Variants in NELL1 observed in about 807,000 individuals in gnomAD.
NELL1 encodes protein kinase C-binding protein NELL1.
NELL1 carries 76 observed loss-of-function variants against 107.4 expected under a neutral mutation model. The ratio of observed to expected loss-of-function variants is 0.71; its 90% CI spans 0.59 to 0.86. NELL1 has a LOEUF of 0.86. Among genes scored for constraint, NELL1 ranks in the 40% least tolerant of loss-of-function variants. The probability of loss-of-function intolerance (pLI) is 0.00; values close to 1 mark genes in which losing one functional copy is unlikely to be tolerated. For synonymous variants in NELL1, 353 were observed against 341.2 expected (o/e 1.03, Z -0.38); for missense variants, 1,024 against 1,005.5 (o/e 1.02, Z -0.25).
intron 2 of NELL1, among the ~76,000 whole-genome samples, chr11:20,767,058 G>A (rs1416395072): frequency 6.6e-6 from 1 of 152,084 alleles, no homozygotes; most frequent in Admixed American, 6.6e-5. Context: ...TTGACATATT[G>A]ATCAATCACG....
intron 12 of NELL1, among the ~76,000 whole-genome samples, chr11:21,108,312 T>A (rs1855019134): frequency 6.6e-6 from 1 of 152,202 alleles, no homozygotes; most frequent in Admixed American, 6.5e-5. Context: ...TCTGTGTTTG[T>A]TCTGAACTCT....
Position 21,160,601 on chromosome 11 carries a change from T to A in NELL1, c.1426+46887T>A, listed in dbSNP as rs181806455. 3.3e-5 allele frequency among the ~76,000 whole-genome samples: 5 copies of A among 152,286 alleles called. No homozygotes were observed. The East Asian group carries it at 9.7e-4, about 29-fold the overall frequency. Reference sequence around the variant, plus strand: ...CAACTGGCGCTTATATCTGCATGTGTGTAATCATAACATTTGAAATTTCCT... The same window carrying A: ...CAACTGGCGCTTATATCTGCATGTGAGTAATCATAACATTTGAAATTTCCT... On this transcript the variant is annotated intron_variant, in intron 13 of 19. Coordinates refer to ENST00000357134, the MANE Select transcript of NELL1 (RefSeq NM_006157.5).
intron 15 of NELL1, among the ~76,000 whole-genome samples, chr11:21,486,605 A>G (rs1854639017): frequency 6.6e-6 from 1 of 152,178 alleles, no homozygotes; most frequent in South Asian, 2.1e-4. Flanking sequence ...AGACACAGTA[A>G]TTCTCTGGCA....
At chr11:21,380,029 G>A (rs1387462725) in intron 15 of NELL1, among the ~76,000 whole-genome samples, 1 of 152,062 alleles carries the variant, frequency 6.6e-6, no homozygotes, top group Non-Finnish European at 1.5e-5. Context: ...ACAGGACTGT[G>A]GCAAGGGCAT....
intron 14 of NELL1, among the ~76,000 whole-genome samples, chr11:21,295,781 C>T (rs1849363087): frequency 6.6e-6 from 1 of 151,848 alleles, no homozygotes; most frequent in East Asian, 1.9e-4. Context: ...TTTGCTTACA[C>T]TGATATGGGA....
At chr11:20,774,054 C>T (rs1856695487) in intron 2 of NELL1, among the ~76,000 whole-genome samples, 1 of 96,678 alleles carries the variant, frequency 1.0e-5, no homozygotes, top group Non-Finnish European at 2.1e-5. Context: ...GTCCCCTCCC[C>T]TCCCCTCCTG....
At chr11:21,156,675 T>A (rs538249581) in intron 13 of NELL1, among the ~76,000 whole-genome samples, 1 of 152,206 alleles carries the variant, frequency 6.6e-6, no homozygotes, top group South Asian at 2.1e-4. Context: ...AGGTGAAGAT[T>A]GTTATTTTTG....
At chr11:21,199,724 T>C (rs1857225627) in intron 13 of NELL1, among the ~76,000 whole-genome samples, 1 of 152,154 alleles carries the variant, frequency 6.6e-6, no homozygotes, top group Non-Finnish European at 1.5e-5. Context: ...GGTATACATG[T>C]GCCATGGTGG....
At chr11:20,758,337 TAATA>T (rs1424529927) in intron 2 of NELL1, among the ~76,000 whole-genome samples, 3 of 152,154 alleles carry the variant, frequency 2.0e-5, no homozygotes, top group Non-Finnish European at 4.4e-5. Context: ...TCCTGTGGCC[TAATA>T]AATCCAAACT....
chr11:20,760,985 C>T (rs149398381), intron 2 of NELL1, among the ~76,000 whole-genome samples: 2 of 152,090 alleles, frequency 1.3e-5, no homozygotes, highest in African/African-American at 2.4e-5. Context: ...TGCTGTCCCG[C>T]GGGTATAAAA....
intron 14 of NELL1, among the ~76,000 whole-genome samples, chr11:21,352,441 T>C (rs1438985657): frequency 3.3e-5 from 5 of 152,158 alleles, no homozygotes; most frequent in Admixed American, 3.3e-4. Flanking sequence ...ATAGAAGATT[T>C]TTTTTAACTG....
intron 16 of NELL1, among the ~76,000 whole-genome samples, chr11:21,556,186 C>A (rs1257935657): frequency 6.6e-6 from 1 of 151,904 alleles, no homozygotes; most frequent in Non-Finnish European, 1.5e-5. Flanking sequence ...GCTCTGTTCT[C>A]ATTTCTGAGC....
intron 14 of NELL1, among the ~76,000 whole-genome samples, chr11:21,264,102 G>GTGTGTGTT (rs1441799317): frequency 3.3e-5 from 5 of 151,598 alleles, no homozygotes; most frequent in Non-Finnish European, 5.9e-5. Flanking sequence ...GTGTGTTTGT[G>GTGTGTGTT]TGTCTGTCTG....
intron 12 of NELL1, among the ~76,000 whole-genome samples, chr11:21,070,785 A>G (rs1853993009): frequency 6.6e-6 from 1 of 152,156 alleles, no homozygotes. Flanking sequence ...AAATCTGAGA[A>G]TCATTGTCTG....
At chr11:21,422,330 A>T (rs974389406) in intron 15 of NELL1, among the ~76,000 whole-genome samples, 2 of 152,236 alleles carry the variant, frequency 1.3e-5, no homozygotes, top group African/African-American at 4.8e-5. Flanking sequence ...TATAAAAGCT[A>T]GTATTATTGT....
At chr11:21,266,785 TACTC>T (rs942249552) in intron 14 of NELL1, among the ~76,000 whole-genome samples, 2 of 152,072 alleles carry the variant, frequency 1.3e-5, no homozygotes, top group Admixed American at 6.6e-5. Flanking sequence ...GTGTCAAAAC[TACTC>T]ACTCATAAGA....
chr11:21,404,074 A>G (rs943269059), intron 15 of NELL1, among the ~76,000 whole-genome samples: 4 of 130,768 alleles, frequency 3.1e-5, no homozygotes, highest in African/African-American at 1.1e-4. Flanking sequence ...CATAAATTCA[A>G]TCTCATTGTT....
At chr11:20,674,529 A>G in intron 1 of NELL1, 1 of 1,536,078 alleles carries the variant, frequency 6.5e-7, no homozygotes, top group Non-Finnish European at 8.7e-7. Context: ...TGATATGGAG[A>G]ACTAGAGTTC....
intron 15 of NELL1, among the ~76,000 whole-genome samples, chr11:21,433,310 G>T (rs796524763): frequency 7.9e-5 from 12 of 152,226 alleles, no homozygotes; most frequent in African/African-American, 2.6e-4. Context: ...ACGTAATGGT[G>T]GCTATTGTAA....
Sources: allele counts gnomAD v4.1 joint callset (sites outside exome capture counted in the v4.1 genomes callset), GRCh38; gene constraint gnomAD v4.1.1; transcripts MANE v1.5; gene names NCBI Gene and HGNC (gene_info 2026-07-23, HGNC 2026-07-21).